EYS: variants seen among roughly 807,000 people sequenced by gnomAD.
EYS encodes the protein protein eyes shut homolog.
A neutral mutation model predicts 282.1 loss-of-function variants in EYS; 250 were observed. That is an observed-to-expected ratio of 0.89 (90% CI 0.80 to 0.98). The LOEUF (loss-of-function observed/expected upper bound fraction) is 0.98. Ranked by LOEUF, EYS falls within the 50% of genes least tolerant of loss-of-function variation. The pLI is 0.00. For synonymous variants in EYS, 1,355 were observed against 1,282.9 expected, an observed-to-expected ratio of 1.06 and a Z score of -1.20; for missense variants, 4,016 against 3,709.0, an observed-to-expected ratio of 1.08 and a Z score of -2.15.
intron 39 of EYS, among the ~76,000 whole-genome samples, chr6:63,782,519 T>A (rs1770256610): frequency 6.6e-6 from 1 of 152,248 alleles, no homozygotes; most frequent in Non-Finnish European, 1.5e-5. Flanking sequence ...TTCTTCTAAC[T>A]TTTCTAGTTT....
chr6:64,274,663 C>T (rs571191713), intron 30 of EYS, among the ~76,000 whole-genome samples: 2 of 152,084 alleles, frequency 1.3e-5, no homozygotes, highest in South Asian at 4.2e-4. Context: ...AAAAACTTTG[C>T]TGACCATTCT....
At chr6:64,197,602 A>G (rs1292007246) in intron 31 of EYS, among the ~76,000 whole-genome samples, 1 of 152,122 alleles carries the variant, frequency 6.6e-6, no homozygotes, top group East Asian at 1.9e-4. Context: ...CTCAAATTTC[A>G]AAAGTTTTAT....
intron 12 of EYS, among the ~76,000 whole-genome samples, chr6:65,199,353 G>T (rs1045920863): frequency 6.6e-6 from 1 of 152,066 alleles, no homozygotes; most frequent in Non-Finnish European, 1.5e-5. Flanking sequence ...CCAATGACCT[G>T]TCAGAAGTTT....
chr6:65,538,293 TTTGA>T (rs1768034333), intron 2 of EYS, among the ~76,000 whole-genome samples: 1 of 152,020 alleles, frequency 6.6e-6, no homozygotes, highest in Non-Finnish European at 1.5e-5. Context: ...GGAAATATAG[TTTGA>T]TTGTTGGACA....
At chr6:63,866,183 G>A (rs1772666943) in intron 35 of EYS, among the ~76,000 whole-genome samples, 2 of 152,046 alleles carry the variant, frequency 1.3e-5, no homozygotes, top group African/African-American at 4.8e-5. Context: ...CCTGAGAATA[G>A]CGATAAAAGC....
intron 26 of EYS, among the ~76,000 whole-genome samples, chr6:64,479,291 A>G (rs1388779985): frequency 6.6e-6 from 1 of 152,004 alleles, no homozygotes; most frequent in Non-Finnish European, 1.5e-5. Context: ...TTCACACTGC[A>G]GAATTACTTT....
chr6:65,053,594 G>A (rs1197142796), intron 13 of EYS, among the ~76,000 whole-genome samples: 1 of 151,748 alleles, frequency 6.6e-6, no homozygotes, highest in Non-Finnish European at 1.5e-5. Context: ...ATAGGTTATA[G>A]GTTATAGTTT....
Position 64,947,138 on chromosome 6 carries a change from TTTAA to T in EYS, c.2260-1228_2260-1225del, listed in dbSNP as rs1331269103. ...TCCTGTACAGATCTAGCACCCTATG[TTTAA>T]TTAATGTTGATTAAATAAACAGAAA... On this transcript the variant is annotated intron_variant, in intron 14 of 42. Coordinates refer to ENST00000503581, the MANE Select transcript of EYS (RefSeq NM_001142800.2). Among the ~76,000 whole-genome samples the T allele has an allele frequency of 1.4e-4, 21 of 151,986 alleles. No individual in the cohort carries two copies. In the South Asian group the frequency reaches 4.4e-3, roughly 32 times the overall value.
At chr6:63,762,719 ATT>A in intron 40 of EYS, 86 bp from the exon 41 acceptor site, 1 of 1,250,874 alleles carries the variant, frequency 8.0e-7, no homozygotes, top group Non-Finnish European at 1.1e-6. Context: ...TAACTTGTCA[ATT>A]TTAACTGAAG....
At chr6:65,407,287 G>T (rs189686034) in intron 5 of EYS, among the ~76,000 whole-genome samples, 1 of 151,508 alleles carries the variant, frequency 6.6e-6, no homozygotes, top group Non-Finnish European at 1.5e-5. Context: ...TCATAGTCTC[G>T]CTGTGTTGCC....
At chr6:64,947,015 T>A (rs1180845880) in intron 14 of EYS, among the ~76,000 whole-genome samples, 2 of 151,892 alleles carry the variant, frequency 1.3e-5, no homozygotes, top group Non-Finnish European at 2.9e-5. Context: ...TTTCTCCATT[T>A]GTGGATAGAG....
chr6:63,781,498 T>C (rs1434578517), intron 39 of EYS, among the ~76,000 whole-genome samples: 1 of 152,160 alleles, frequency 6.6e-6, no homozygotes, highest in African/African-American at 2.4e-5. Context: ...GGTATTTTAC[T>C]CTCTTTGAAG....
chr6:65,584,307 G>C (rs1285595895), intron 2 of EYS, among the ~76,000 whole-genome samples: 1 of 152,084 alleles, frequency 6.6e-6, no homozygotes, highest in African/African-American at 2.4e-5. Flanking sequence ...AAGGGCGTTA[G>C]GGCTGGCAAT....
At chr6:64,731,623 A>G (rs1440508173) in intron 22 of EYS, among the ~76,000 whole-genome samples, 1 of 152,206 alleles carries the variant, frequency 6.6e-6, no homozygotes, top group Non-Finnish European at 1.5e-5. Context: ...ACCATGTCAC[A>G]CCAGTTAGAA....
In EYS at chr6:65,007,589, C is replaced by T. The variant is rs562924078; in HGVS notation, c.2138-9886G>A. Among the ~76,000 whole-genome samples the T allele has an allele frequency of 1.9e-3, 287 of 152,102 alleles. 2 individuals carry two copies. The highest frequency in any genetic ancestry group is 6.8e-3 in the African/African-American group (280 of 41,468). ...ATTATGTAAAAAGTGTGATTTATGC[C>T]CTACAGGAAGCCCTCAGTCTACCTC... On this transcript the variant is annotated intron_variant, in intron 13 of 42. Transcript: ENST00000503581.
At chr6:64,167,450 T>G (rs184179863) in intron 31 of EYS, among the ~76,000 whole-genome samples, 64 of 152,202 alleles carry the variant, frequency 4.2e-4, no homozygotes, top group African/African-American at 1.5e-3. Flanking sequence ...TCACTTGGCT[T>G]TTTTTCTTTC....
At chr6:64,225,698 A>G (rs747801822) in intron 31 of EYS, among the ~76,000 whole-genome samples, 4 of 152,124 alleles carry the variant, frequency 2.6e-5, no homozygotes, top group African/African-American at 4.8e-5. Context: ...CATAGTTATA[A>G]GTATGAGAAT....
At chr6:64,446,129 G>A (rs1055313536) in intron 26 of EYS, among the ~76,000 whole-genome samples, 27 of 152,202 alleles carry the variant, frequency 1.8e-4, no homozygotes, top group South Asian at 4.1e-4. Context: ...TTAAGGATGA[G>A]TCTAGCCATT....
intron 12 of EYS, among the ~76,000 whole-genome samples, chr6:65,167,183 C>T (rs1463651481): frequency 1.3e-5 from 2 of 150,944 alleles, no homozygotes; most frequent in Non-Finnish European, 3.0e-5. Flanking sequence ...CAATTTTATC[C>T]TAAGAAAAAT....
Sources: allele counts gnomAD v4.1 joint callset (sites outside exome capture counted in the v4.1 genomes callset), GRCh38; gene constraint gnomAD v4.1.1; transcripts MANE v1.5; gene names NCBI Gene and HGNC (gene_info 2026-07-23, HGNC 2026-07-21).